FBXL17: variants seen among roughly 807,000 people sequenced by gnomAD.
FBXL17 encodes F-box/LRR-repeat protein 17.
In FBXL17, 22 loss-of-function variants were observed where a neutral mutation model predicts 66.2. The ratio of observed to expected loss-of-function variants is 0.33; its 90% confidence interval spans 0.24 to 0.47. The LOEUF is 0.47. FBXL17 is among the 20% of genes least tolerant of loss of function. The pLI is 1.00. For synonymous variants in FBXL17, 474 were observed against 400.5 expected (o/e 1.18, Z -2.19); for missense variants, 878 against 948.2 (o/e 0.93, Z 0.97).
At chr5:108,271,730 C>A (rs999201012) in intron 4 of FBXL17, among the ~76,000 whole-genome samples, 2 of 152,120 alleles carry the variant, frequency 1.3e-5, no homozygotes, top group African/African-American at 2.4e-5. Context: ...TCTTAATGTT[C>A]ATTCATTGCT....
chr5:108,264,794 A>G (rs1301009891), intron 4 of FBXL17, among the ~76,000 whole-genome samples: 2 of 151,912 alleles, frequency 1.3e-5, no homozygotes, highest in Admixed American at 6.6e-5. Flanking sequence ...GAAAGTGCCA[A>G]TTATAACTCT....
At chr5:108,230,544 A>G (rs995365583) in intron 4 of FBXL17, among the ~76,000 whole-genome samples, 40 of 152,106 alleles carry the variant, frequency 2.6e-4, no homozygotes, top group Non-Finnish European at 4.4e-5. Context: ...CATAAGAACG[A>G]TACAATGGAC....
intron 7 of FBXL17, among the ~76,000 whole-genome samples, chr5:107,921,512 T>C (rs898304628): frequency 6.6e-6 from 1 of 152,170 alleles, no homozygotes; most frequent in African/African-American, 2.4e-5. Flanking sequence ...AGGGCATAGA[T>C]GGTGGCATGG....
intron 6 of FBXL17, among the ~76,000 whole-genome samples, chr5:108,041,865 C>T (rs577842187): frequency 6.6e-6 from 1 of 152,102 alleles, no homozygotes; most frequent in Non-Finnish European, 1.5e-5. Flanking sequence ...TTTTACTATA[C>T]TTCTTCTATC....
chr5:108,375,367 G>GCA (rs61340348), intron 1 of FBXL17, among the ~76,000 whole-genome samples: 40,318 of 148,666 alleles, frequency 0.27, 5,726 homozygotes, highest in Middle Eastern at 0.33. Context: ...CAGAGACCCT[G>GCA]CACACACACA....
rs559702309 is a variant in FBXL17 at position 108,209,043 on chromosome 5, A to G, written c.1614+15078T>C. Among the ~76,000 whole-genome samples, 4 of 152,150 alleles carry G rather than the reference A, an allele frequency of 2.6e-5. No individual in the cohort carries two copies. In the South Asian group the frequency reaches 8.3e-4, roughly 32 times the overall value. ...GTCCTTCATATCCCTTGTAAGTTGT[A>G]TTCCTAGGTATTTTATTATCTTTGT... On this transcript the variant is annotated intron_variant, in intron 5 of 8. Transcript: ENST00000542267.
chr5:108,299,919 A>G (rs1485847711), intron 4 of FBXL17: 6 of 669,712 alleles, frequency 9.0e-6, no homozygotes, highest in Non-Finnish European at 1.1e-5. Flanking sequence ...AATAAAGCTC[A>G]ATGTCCAAAT....
chr5:108,011,425 G>A (rs1347568287), intron 7 of FBXL17, among the ~76,000 whole-genome samples: 2 of 152,148 alleles, frequency 1.3e-5, no homozygotes, highest in Non-Finnish European at 2.9e-5. Flanking sequence ...AGAGAACAAA[G>A]TAGGTAGAAC....
intron 4 of FBXL17, among the ~76,000 whole-genome samples, chr5:108,252,074 G>A (rs1756378828): frequency 6.6e-6 from 1 of 152,062 alleles, no homozygotes; most frequent in Non-Finnish European, 1.5e-5. Context: ...ACTTAGAAGT[G>A]GAATTGCTGA....
At chr5:108,113,848 T>C (rs958461667) in intron 6 of FBXL17, among the ~76,000 whole-genome samples, 4 of 152,186 alleles carry the variant, frequency 2.6e-5, no homozygotes, top group Non-Finnish European at 4.4e-5. Flanking sequence ...GAAATAGTCA[T>C]GCCAGGAATG....
intron 6 of FBXL17, among the ~76,000 whole-genome samples, chr5:108,116,335 G>C (rs1750247479): frequency 6.6e-6 from 1 of 151,736 alleles, no homozygotes. Flanking sequence ...ATTCAAATCG[G>C]GCAATTAAAA....
At chr5:107,876,303 G>A (rs1296961619) in intron 8 of FBXL17, among the ~76,000 whole-genome samples, 1 of 152,162 alleles carries the variant, frequency 6.6e-6, no homozygotes, top group Non-Finnish European at 1.5e-5. Flanking sequence ...TGATACCCCA[G>A]ACGCTGGCAT....
At chr5:108,193,092 G>T (rs1276201087) in intron 5 of FBXL17, among the ~76,000 whole-genome samples, 6 of 152,134 alleles carry the variant, frequency 3.9e-5, no homozygotes, top group Non-Finnish European at 5.9e-5. Flanking sequence ...ATTAGTTCTT[G>T]CCAGTACTGC....
intron 8 of FBXL17, among the ~76,000 whole-genome samples, chr5:107,870,076 G>A (rs967120403): frequency 2.0e-5 from 3 of 152,086 alleles, no homozygotes; most frequent in African/African-American, 4.8e-5. Flanking sequence ...CAGTTATATC[G>A]GAGTCTTGGT....
chr5:107,891,585 A>G (rs1749198678), intron 7 of FBXL17, among the ~76,000 whole-genome samples: 1 of 152,110 alleles, frequency 6.6e-6, no homozygotes, highest in Non-Finnish European at 1.5e-5. Flanking sequence ...TAAAGATAGG[A>G]CCAACAGCAT....
intron 6 of FBXL17, among the ~76,000 whole-genome samples, chr5:108,025,724 C>CGT (rs1187466180): frequency 4.9e-5 from 6 of 123,264 alleles, no homozygotes; most frequent in South Asian, 3.2e-4. Flanking sequence ...CACACGCGCG[C>CGT]GCGCACACAC....
chr5:108,307,418 T>C (rs1331359149), intron 4 of FBXL17, among the ~76,000 whole-genome samples: 1 of 152,066 alleles, frequency 6.6e-6, no homozygotes, highest in East Asian at 1.9e-4. Flanking sequence ...GGAATTCTCC[T>C]GCCTCAGCTT....
At position 108,181,266 on chromosome 5, in the gene FBXL17, C is replaced by T. The variant is rs148176597; in HGVS notation, c.1745+4851G>A. On this transcript the variant is annotated intron_variant, in intron 6 of 8. Transcript: ENST00000542267. ...ACTTAGAATCAGGGAGTGGATGAGACGTAATAACCAGATGTTTAATTTAAA... is the reference window on the plus strand; with the variant it reads ...ACTTAGAATCAGGGAGTGGATGAGATGTAATAACCAGATGTTTAATTTAAA... Among the ~76,000 whole-genome samples, 594 of 152,146 alleles carry T rather than the reference C, an allele frequency of 3.9e-3. 5 individuals carry two copies. Among genetic ancestry groups the T allele is most frequent in the African/African-American group, 0.014 (572 of 41,510 alleles).
intron 6 of FBXL17, among the ~76,000 whole-genome samples, chr5:108,031,699 T>A (rs958083598): frequency 2.0e-5 from 3 of 152,148 alleles, no homozygotes; most frequent in African/African-American, 7.2e-5. Flanking sequence ...TCAGAAAGTA[T>A]CATTGTACAT....
Sources: allele counts gnomAD v4.1 joint callset (sites outside exome capture counted in the v4.1 genomes callset), GRCh38; gene constraint gnomAD v4.1.1; transcripts MANE v1.5; gene names NCBI Gene and HGNC (gene_info 2026-07-23, HGNC 2026-07-21).